Variants in GBE1 observed in about 807,000 individuals in gnomAD.
GBE1 encodes the protein 1,4-alpha-glucan branching enzyme 1.
In GBE1, 70 loss-of-function variants were observed where a neutral mutation model predicts 88.8. The observed-to-expected ratio is 0.79, with a 90% CI of 0.65 to 0.96. GBE1 has a LOEUF of 0.96. Ranked by LOEUF, GBE1 falls within the 40% of genes least tolerant of loss-of-function variation. The pLI is 0.00. For synonymous variants in GBE1, 284 were observed against 300.1 expected (o/e 0.95, Z 0.56); for missense variants, 872 against 871.0 (o/e 1.00, Z -0.01).
intron 7 of GBE1, among the ~76,000 whole-genome samples, chr3:81,606,871 T>G (rs1234883528): frequency 6.6e-6 from 1 of 152,248 alleles, no homozygotes; most frequent in East Asian, 1.9e-4. Flanking sequence ...GTAGCATTTT[T>G]AAATTGATTA....
At chr3:81,754,598 A>C (rs930957902) in intron 1 of GBE1, among the ~76,000 whole-genome samples, 2 of 152,162 alleles carry the variant, frequency 1.3e-5, no homozygotes, top group Non-Finnish European at 2.9e-5. Flanking sequence ...ATAGAAACCA[A>C]AACAGCATGG....
At chr3:81,631,883 C>T (rs1413614047) in intron 7 of GBE1, among the ~76,000 whole-genome samples, 2 of 151,984 alleles carry the variant, frequency 1.3e-5, no homozygotes, top group Admixed American at 6.6e-5. Flanking sequence ...ATACATGTGC[C>T]GTGGTCATCT....
intron 8 of GBE1, among the ~76,000 whole-genome samples, chr3:81,592,219 T>C (rs1281378958): frequency 6.6e-6 from 1 of 152,072 alleles, no homozygotes; most frequent in Non-Finnish European, 1.5e-5. Flanking sequence ...TTATTAACTA[T>C]AGTTACATTA....
intron 6 of GBE1, among the ~76,000 whole-genome samples, chr3:81,646,182 A>T (rs916641940): frequency 6.6e-6 from 1 of 152,196 alleles, no homozygotes; most frequent in African/African-American, 2.4e-5. Flanking sequence ...ATCACAAATC[A>T]TCCCACGAGG....
At chr3:81,643,418 C>G (rs1194449974) in intron 6 of GBE1, among the ~76,000 whole-genome samples, 1 of 152,166 alleles carries the variant, frequency 6.6e-6, no homozygotes, top group African/African-American at 2.4e-5. Flanking sequence ...GAGGTTATCC[C>G]TCCTGCACTT....
chr3:81,545,618 G>GTGTA (rs1389123084), intron 12 of GBE1, among the ~76,000 whole-genome samples: 2 of 151,600 alleles, frequency 1.3e-5, no homozygotes, highest in South Asian at 2.1e-4. Flanking sequence ...AAGCATATGT[G>GTGTA]TGTGTGTGTG....
intron 2 of GBE1, among the ~76,000 whole-genome samples, chr3:81,695,915 T>C (rs181791574): frequency 2.0e-5 from 3 of 152,300 alleles, no homozygotes; most frequent in East Asian, 3.9e-4. Context: ...CTAAGTCATT[T>C]TTTCAGGAGT....
At chr3:81,720,698 A>G (rs1706015333) in intron 1 of GBE1, among the ~76,000 whole-genome samples, 1 of 152,142 alleles carries the variant, frequency 6.6e-6, no homozygotes, top group African/African-American at 2.4e-5. Flanking sequence ...TGAAACTACT[A>G]TAACCAAGAG....
At chr3:81,581,766 T>C (rs544079862) in intron 10 of GBE1, among the ~76,000 whole-genome samples, 15 of 152,234 alleles carry the variant, frequency 9.9e-5, no homozygotes, top group Admixed American at 2.6e-4. Flanking sequence ...ATCAAATAAT[T>C]ACCCTCTTAA....
At chr3:81,561,102 T>A (rs1035075125) in intron 12 of GBE1, among the ~76,000 whole-genome samples, 2 of 152,006 alleles carry the variant, frequency 1.3e-5, no homozygotes, top group African/African-American at 2.4e-5. Context: ...ATTTTTCAAC[T>A]GCACCTATCA....
intron 3 of GBE1, chr3:81,654,855 A>G (rs1165181700): frequency 6.6e-6 from 1 of 152,190 alleles, no homozygotes; most frequent in Non-Finnish European, 1.5e-5. Flanking sequence ...GGTGTAAAAC[A>G]ATGTTTTGAT....
At chr3:81,742,444 A>G (rs777615484) in intron 1 of GBE1, among the ~76,000 whole-genome samples, 9 of 152,162 alleles carry the variant, frequency 5.9e-5, no homozygotes, top group Non-Finnish European at 1.2e-4. Flanking sequence ...TTTGAAATAA[A>G]TATGAAAACT....
Position 81,652,450 on chromosome 3 carries a change from C to T in GBE1, c.430-2529G>A, listed in dbSNP as rs140614474. Among the ~76,000 whole-genome samples the T allele has an allele frequency of 3.6e-3, 541 of 152,310 alleles. 3 individuals are homozygous for T. The highest frequency in any genetic ancestry group is 8.9e-3 in the African/African-American group (371 of 41,578). Reference sequence around the variant, plus strand: ...AATATTTTGTTTCCAAAGGTTCTGTCTTCTGCTACTCTAACAGTCATTTCT... The same window carrying T: ...AATATTTTGTTTCCAAAGGTTCTGTTTTCTGCTACTCTAACAGTCATTTCT... On this transcript the variant is annotated intron_variant, in intron 3 of 15. Transcript: ENST00000429644.
intron 2 of GBE1, among the ~76,000 whole-genome samples, chr3:81,702,716 T>C (rs1050881154): frequency 6.6e-6 from 1 of 152,050 alleles, no homozygotes; most frequent in Non-Finnish European, 1.5e-5. Flanking sequence ...CAATGTAAAT[T>C]GGGATAAAAA....
chr3:81,618,035 T>C (rs1368603338), intron 7 of GBE1, among the ~76,000 whole-genome samples: 1 of 152,042 alleles, frequency 6.6e-6, no homozygotes, highest in East Asian at 1.9e-4. Flanking sequence ...TATTTTGATG[T>C]CTGCACAGTG....
At chr3:81,640,372 T>A (rs1412375303) in intron 7 of GBE1, among the ~76,000 whole-genome samples, 1 of 152,048 alleles carries the variant, frequency 6.6e-6, no homozygotes, top group Non-Finnish European at 1.5e-5. Context: ...CCAGCCTCCA[T>A]CTTTCTCCTG....
chr3:81,492,589 G>C (rs1264654893), intron 15 of GBE1, among the ~76,000 whole-genome samples: 1 of 151,860 alleles, frequency 6.6e-6, no homozygotes, highest in Non-Finnish European at 1.5e-5. Context: ...TACTTATTAG[G>C]ATGTCTAGTC....
intron 10 of GBE1, 25 bp from the exon 11 acceptor site, chr3:81,581,300 C>T: frequency 1.6e-6 from 2 of 1,255,248 alleles, no homozygotes; most frequent in Admixed American, 2.4e-5. Context: ...GAAAAATAAG[C>T]TTCTGAGTAA....
intron 2 of GBE1, among the ~76,000 whole-genome samples, chr3:81,695,163 A>C (rs552954263): frequency 7.2e-5 from 11 of 152,330 alleles, no homozygotes; most frequent in South Asian, 4.1e-4. Flanking sequence ...CCCTCTTCTC[A>C]ATTTCACGGC....
Sources: allele counts gnomAD v4.1 joint callset (sites outside exome capture counted in the v4.1 genomes callset), GRCh38; gene constraint gnomAD v4.1.1; transcripts MANE v1.5; gene names NCBI Gene and HGNC (gene_info 2026-07-23, HGNC 2026-07-21).